The following KLHL42 variants were observed in gnomAD, a reference collection of about 807,000 sequenced individuals.
KLHL42 encodes kelch like family member 42, also known as kelch-like protein 42.
A neutral mutation model predicts 32.7 loss-of-function variants in KLHL42; 27 were observed. The observed-to-expected ratio is 0.83, with a 90% CI of 0.61 to 1.14. The LOEUF (loss-of-function observed/expected upper bound fraction) is 1.14, where lower values mean the gene tolerates loss of function less well. Ranked by LOEUF, KLHL42 falls within the 50% of genes most tolerant of loss-of-function variation. KLHL42 has a pLI of 0.00. For missense variants in KLHL42, 491 were observed against 560.8 expected, an observed-to-expected ratio of 0.88 and a Z score of 1.26; for synonymous variants, 267 against 248.2, an observed-to-expected ratio of 1.08 and a Z score of -0.71.
intron 1 of KLHL42, 113 bp downstream of exon 1, chr12:27,781,315 T>A: frequency 8.0e-7 from 1 of 1,254,918 alleles, no homozygotes; most frequent in Non-Finnish European, 1.1e-6. Flanking sequence ...GTGGTGGAAA[T>A]GACATCTTCA....
intron 2 of KLHL42, chr12:27,797,143 A>AC (rs1452428990): frequency 2.4e-6 from 1 of 414,686 alleles, no homozygotes; most frequent in African/African-American, 2.1e-5. Context: ...ACAAAAAAAA[A>AC]ACTGGAAACT....
chr12:27,801,612 T>C lies in KLHL42; in HGVS notation c.*3446T>C, dbSNP rs1462890681. The C allele has an allele frequency of 6.6e-6, 1 of 152,238 alleles. No individual in the cohort carries two copies. Among genetic ancestry groups the C allele is most frequent in the Non-Finnish European group, 1.5e-5 (1 of 68,040 alleles). 9.4% of individuals were successfully genotyped at this position (152,238 alleles called of 1,614,324 possible). ...CCACCGCTCTTTTAAGGAGGCATTA[T>C]GAATGAGTGCAGCATTCCTGTCCTC... On this transcript the variant is annotated 3_prime_UTR_variant, in exon 3 of 3. Coordinates refer to ENST00000381271, the MANE Select transcript of KLHL42 (RefSeq NM_020782.2).
chr12:27,799,480 T>C lies in KLHL42; in HGVS notation c.*1314T>C, dbSNP rs888757532. On this transcript the variant is annotated 3_prime_UTR_variant, in exon 3 of 3. Transcript: ENST00000381271. ...GTTAAACTGTGAGCTGGATTCCATCTTTCTGCAGTAACAGCGGGCAGAACC... is the reference window on the plus strand; with the variant it reads ...GTTAAACTGTGAGCTGGATTCCATCCTTCTGCAGTAACAGCGGGCAGAACC... 3.3e-5 allele frequency: 5 copies of C among 152,392 alleles called. No individual in the cohort carries two copies. The South Asian group carries it at 6.2e-4, about 19-fold the overall frequency. The allele number at this position is 152,392 out of a possible 1,614,324, so 9.4% of individuals were successfully genotyped here.
chr12:27,783,605 G>A (rs1037056428), intron 1 of KLHL42, among the ~76,000 whole-genome samples: 9 of 151,404 alleles, frequency 5.9e-5, no homozygotes, highest in South Asian at 2.1e-4. Flanking sequence ...TTTTTGAGAC[G>A]GAGTCTCGCT....
rs9029 is a variant in KLHL42, at chr12:27,802,908, C to G, written c.*4742C>G. The G allele has an allele frequency of 0.69, 105,005 of 152,086 alleles. 36,458 individuals carry two copies. The highest frequency in any genetic ancestry group is 0.72 in the Non-Finnish European group (49,064 of 67,992). 9.4% of individuals were successfully genotyped at this position (152,086 alleles called of 1,614,324 possible). On this transcript the variant is annotated 3_prime_UTR_variant, in exon 3 of 3. Coordinates refer to ENST00000381271, the MANE Select transcript of KLHL42 (RefSeq NM_020782.2). ...TTGTATTAAGTCTTCAATTTCAAGT[C>G]TAGCTTAAAAGTGTAAACATTATGT... is the stretch of plus-strand genomic sequence containing the variant.
In KLHL42 at chr12:27,780,572, G is replaced by A; in HGVS notation, c.242G>A (p.Gly81Asp). The change falls in exon 1 of 3, where the codon GGC becomes GAC. Residue 81 changes from glycine to aspartate, a missense_variant. Gly to Asp is a moderately conservative substitution (Grantham distance 94, BLOSUM62 -1). Transcript: ENST00000381271. The surrounding 1 kb of genome is among the most constrained non-coding windows in gnomAD (Gnocchi z 8.8). ...GGGGCCCGCGAAGGCTGGCTCCTGG[G>A]CCCGCGCGGGGAAAAGGGCGGCGGG... The part of the protein sequence containing the change: ...AGGAREGWLL[G>D]PRGEKGGGVD... The A allele has an allele frequency of 6.5e-7, 1 of 1,538,584 alleles. No individual in the cohort carries two copies. Among genetic ancestry groups the A allele is most frequent in the Non-Finnish European group, 8.7e-7 (1 of 1,146,210 alleles).
At chr12:27,781,502 A>G (rs563170707) in intron 1 of KLHL42, among the ~76,000 whole-genome samples, 5 of 152,342 alleles carry the variant, frequency 3.3e-5, no homozygotes, top group African/African-American at 1.2e-4. Flanking sequence ...TTCCTACAAG[A>G]ATACTTTAAA....
In KLHL42 at chr12:27,802,353, G is replaced by A. The variant is rs1344351087; in HGVS notation, c.*4187G>A. The A allele has an allele frequency of 6.6e-6, 1 of 152,148 alleles. No individual in the cohort carries two copies. Among genetic ancestry groups the A allele is most frequent in the Non-Finnish European group, 1.5e-5 (1 of 68,024 alleles). The allele number at this position is 152,148 out of a possible 1,614,324, so 9.4% of individuals were successfully genotyped here. A position where few individuals can be genotyped will look rare whatever the true frequency, so the allele number is the denominator to read the frequency against. On this transcript the variant is annotated 3_prime_UTR_variant, in exon 3 of 3. Transcript: ENST00000381271. Reference sequence around the variant, plus strand: ...TGATTGCATGTGCATTTATACCTATGCCTTTAAAACATTCCCATAAAAAGT... The same window carrying A: ...TGATTGCATGTGCATTTATACCTATACCTTTAAAACATTCCCATAAAAAGT...
In KLHL42 at chr12:27,802,341, A is replaced by G. The variant is rs2062251489; in HGVS notation, c.*4175A>G. 1 of 152,242 alleles carries G rather than the reference A, an allele frequency of 6.6e-6. No homozygotes were observed. The highest frequency in any genetic ancestry group is 6.5e-5 in the Admixed American group (1 of 15,292). The allele number at this position is 152,242 out of a possible 1,614,324, so 9.4% of individuals were successfully genotyped here. On this transcript the variant is annotated 3_prime_UTR_variant, in exon 3 of 3. Coordinates refer to ENST00000381271, the MANE Select transcript of KLHL42 (RefSeq NM_020782.2). ...AGAGGGGCAAGCTGATTGCATGTGC[A>G]TTTATACCTATGCCTTTAAAACATT...
chr12:27,785,873 G>A (rs764816749), intron 1 of KLHL42, among the ~76,000 whole-genome samples: 5 of 151,646 alleles, frequency 3.3e-5, no homozygotes, highest in South Asian at 2.1e-4. Flanking sequence ...TTTATATTTC[G>A]CTTTATTTGT....
Position 27,780,448 on chromosome 12 carries a change from G to A in KLHL42, c.118G>A (p.Glu40Lys). The A allele has an allele frequency of 6.5e-7, 1 of 1,547,554 alleles. No individual in the cohort carries two copies. The highest frequency in any genetic ancestry group is 2.5e-5 in the East Asian group (1 of 40,304). ...CGCCCTCTACCGCTCCGGCATGCGC[G>A]AGGCCCTGAGCCAGGAGGCCGGCGG... The part of the protein sequence containing the change: ...FRALYRSGMR[E>K]ALSQEAGGPE... The change falls in exon 1 of 3, where the codon GAG becomes AAG. Residue 40 changes from glutamate (E) to lysine (K), a missense_variant. This residue lies in a region of KLHL42 where 88 missense variants were observed against 89.0 expected (regional missense o/e 0.99). Coordinates refer to ENST00000381271, the MANE Select transcript of KLHL42 (RefSeq NM_020782.2). This position sits in a 1 kb window ranked among gnomAD's most constrained non-coding sequence, Gnocchi z 8.8.
In KLHL42 at chr12:27,799,000, G is replaced by A. The variant is rs1232119480; in HGVS notation, c.*834G>A. 1 of 152,494 alleles carries A rather than the reference G, an allele frequency of 6.6e-6. No homozygotes were observed. The highest frequency in any genetic ancestry group is 2.4e-5 in the African/African-American group (1 of 41,398). The allele number at this position is 152,494 out of a possible 1,614,324, so 9.4% of individuals were successfully genotyped here. ...TGAGTCTTAAATTTAAATGGGAAGG[G>A]AAGAAAACACCAAATAAGAAAAAAA... On this transcript the variant is annotated 3_prime_UTR_variant, in exon 3 of 3. Transcript: ENST00000381271.
rs375405740 is a variant in KLHL42, at chr12:27,784,230, G to A, written c.872+3028G>A. On this transcript the variant is annotated intron_variant, in intron 1 of 2. Coordinates refer to ENST00000381271, the MANE Select transcript of KLHL42 (RefSeq NM_020782.2). ...GCTCACTGCAAGCTCCGCCTCCCAG[G>A]TTACGCCATTCTCCTGCCTCAGTTT... Among the ~76,000 whole-genome samples, 6 of 150,498 alleles carry A rather than the reference G, an allele frequency of 4.0e-5. No homozygotes were observed. In the South Asian group the frequency reaches 6.3e-4, roughly 16 times the overall value.
intron 2 of KLHL42, among the ~76,000 whole-genome samples, chr12:27,796,258 C>T (rs1208327144): frequency 6.6e-6 from 1 of 152,158 alleles, no homozygotes; most frequent in Non-Finnish European, 1.5e-5. Context: ...GCTCTTTAAG[C>T]ATTGCTAACT....
intron 1 of KLHL42, among the ~76,000 whole-genome samples, chr12:27,784,139 GTTTTTT>G (rs916582197): frequency 4.1e-5 from 5 of 123,158 alleles, no homozygotes; most frequent in African/African-American, 1.5e-4. Context: ...TTTTGTTTTT[GTTTTTT>G]TTTTTTGGGG....
At position 27,799,383 on chromosome 12, in the gene KLHL42, C is replaced by T. The variant is rs757440109; in HGVS notation, c.*1217C>T. ...GATCAACATTCCTCAAAAATACATACACTCATACTTATGGAAATTTTATTT... is the reference window on the plus strand; with the variant it reads ...GATCAACATTCCTCAAAAATACATATACTCATACTTATGGAAATTTTATTT... On this transcript the variant is annotated 3_prime_UTR_variant, in exon 3 of 3. Coordinates refer to ENST00000381271, the MANE Select transcript of KLHL42 (RefSeq NM_020782.2). 3 of 152,214 alleles carry T rather than the reference C, an allele frequency of 2.0e-5. No individual in the cohort carries two copies. Among genetic ancestry groups the T allele is most frequent in the Non-Finnish European group, 2.9e-5 (2 of 68,046 alleles). The allele number at this position is 152,214 out of a possible 1,614,324, so 9.4% of individuals were successfully genotyped here.
intron 1 of KLHL42, among the ~76,000 whole-genome samples, chr12:27,791,283 A>T (rs549856740): frequency 2.0e-5 from 3 of 152,210 alleles, no homozygotes; most frequent in Admixed American, 2.0e-4. Flanking sequence ...TGTCCCTAAG[A>T]TGAAGCCATA....
intron 1 of KLHL42, among the ~76,000 whole-genome samples, chr12:27,790,054 GCTT>G (rs1220663609): frequency 6.6e-6 from 1 of 152,098 alleles, no homozygotes; most frequent in Non-Finnish European, 1.5e-5. Context: ...CTTGTTTACT[GCTT>G]CTTCTTAATC....
rs753211949 is a variant in KLHL42 at position 27,797,884 on chromosome 12, C to T, written c.1236C>T (p.Ser412=). 1.3e-6 allele frequency: 1 copy of T among 780,902 alleles called. No homozygotes were observed. The highest frequency in any genetic ancestry group is 2.4e-5 in the East Asian group (1 of 41,232). The allele number at this position is 780,902 out of a possible 1,614,324, so 48.4% of individuals were successfully genotyped here. Residue 412 remains serine (S), a synonymous_variant, in exon 3 of 3, where the codon AGC becomes AGT. Coordinates refer to ENST00000381271, the MANE Select transcript of KLHL42 (RefSeq NM_020782.2). ...GGCCCAACCGCAGGAGCAGCCAGAG[C>T]GAGGACATGCTCACCGTGCAGTCCT... The part of the protein sequence containing the change: ...ELGPNRRSSQ[S]EDMLTVQSYN...
Sources: gnomAD v4.1 joint callset for allele counts (sites outside exome capture counted in the v4.1 genomes callset) on GRCh38, gnomAD v4.1.1 for gene constraint, gnomAD v4.1.1 regional missense constraint, Gnocchi (gnomAD v3.1) non-coding constraint, MANE v1.5 for transcripts, NCBI Gene and HGNC (gene_info 2026-07-23, HGNC 2026-07-21) for gene names.